FHIT: variants seen among roughly 807,000 people sequenced by gnomAD.
FHIT encodes the protein bis(5'-adenosyl)-triphosphatase.
FHIT carries 19 observed loss-of-function variants against 17.9 expected under a neutral mutation model. The ratio of observed to expected loss-of-function variants is 1.06; its 90% CI spans 0.74 to 1.56. FHIT has a LOEUF of 1.56. Among genes scored for constraint, FHIT ranks in the 40% most tolerant of loss-of-function variants. The pLI is 0.00. For synonymous variants in FHIT, 81 were observed against 69.7 expected (o/e 1.16, Z -0.81); for missense variants, 248 against 189.2 (o/e 1.31, Z -1.82).
chr3:60,588,100 A>G (rs1331664257), intron 4 of FHIT, among the ~76,000 whole-genome samples: 1 of 152,012 alleles, frequency 6.6e-6, no homozygotes, highest in African/African-American at 2.4e-5. Flanking sequence ...GAGACAAATT[A>G]CCATCTTCCA....
chr3:59,822,651 G>GT (rs372943787), intron 8 of FHIT, among the ~76,000 whole-genome samples: 2 of 151,762 alleles, frequency 1.3e-5, no homozygotes, highest in African/African-American at 4.8e-5. Context: ...GGGATTGTTT[G>GT]TTTTTTTCTT....
At chr3:59,957,876 A>T (rs976530621) in intron 7 of FHIT, among the ~76,000 whole-genome samples, 1 of 152,274 alleles carries the variant, frequency 6.6e-6, no homozygotes, top group Admixed American at 6.5e-5. Context: ...CTCAGTAAAC[A>T]AATATTTCTC....
In FHIT at chr3:60,471,722, T is replaced by C. The variant is rs531166644; in HGVS notation, c.103+65138A>G. On this transcript the variant is annotated intron_variant, in intron 5 of 9. Transcript: ENST00000492590. Reference sequence around the variant, plus strand: ...GTTCTTATGAAGGTACTTTTTTGTATGTACAGTTGTTCAATTTGGTGTTTC... The same window carrying C: ...GTTCTTATGAAGGTACTTTTTTGTACGTACAGTTGTTCAATTTGGTGTTTC... Among the ~76,000 whole-genome samples the C allele has an allele frequency of 9.3e-4, 142 of 152,290 alleles. 1 individual carries two copies. Among genetic ancestry groups the C allele is most frequent in the African/African-American group, 3.1e-3 (128 of 41,558 alleles).
intron 1 of FHIT, among the ~76,000 whole-genome samples, chr3:61,208,398 A>T (rs1449763649): frequency 6.6e-6 from 1 of 151,996 alleles, no homozygotes; most frequent in East Asian, 1.9e-4. Context: ...TTGATCTGCT[A>T]ATGTTGACAG....
At position 60,632,067 on chromosome 3, in the gene FHIT, G is replaced by A. The variant is rs184279047; in HGVS notation, c.-17-95088C>T. On this transcript the variant is annotated intron_variant, in intron 4 of 9. Coordinates refer to ENST00000492590, the MANE Select transcript of FHIT (RefSeq NM_002012.4). Reference sequence around the variant, plus strand: ...ACTAGAATGTGCTCTTGGCTGGGGAGAATTTGGGAAAGAAGTGTTTTTTTT... The same window carrying A: ...ACTAGAATGTGCTCTTGGCTGGGGAAAATTTGGGAAAGAAGTGTTTTTTTT... 4.3e-4 allele frequency among the ~76,000 whole-genome samples: 62 copies of A among 142,632 alleles called. 1 individual carries two copies. Among genetic ancestry groups the A allele is most frequent in the East Asian group, 1.3e-3 (6 of 4,720 alleles). 93.6% of individuals were successfully genotyped at this position (142,632 alleles called of 152,430 possible).
intron 5 of FHIT, among the ~76,000 whole-genome samples, chr3:60,371,068 G>T (rs539771481): frequency 3.3e-5 from 5 of 152,254 alleles, no homozygotes; most frequent in African/African-American, 1.2e-4. Context: ...TCATCCTTGG[G>T]TCTCAGATCA....
intron 2 of FHIT, among the ~76,000 whole-genome samples, chr3:61,103,293 G>A (rs2035888949): frequency 6.6e-6 from 1 of 152,148 alleles, no homozygotes; most frequent in Non-Finnish European, 1.5e-5. Flanking sequence ...CTTTATTTCT[G>A]CCTTCATTTC....
At chr3:61,084,191 A>T (rs193290023) in intron 2 of FHIT, among the ~76,000 whole-genome samples, 18 of 152,306 alleles carry the variant, frequency 1.2e-4, no homozygotes, top group Non-Finnish European at 1.5e-5. Context: ...ATTGCTCCAC[A>T]GTGTCATCTT....
At chr3:60,285,029 C>T (rs1559789068) in intron 5 of FHIT, among the ~76,000 whole-genome samples, 1 of 152,082 alleles carries the variant, frequency 6.6e-6, no homozygotes, top group Non-Finnish European at 1.5e-5. Flanking sequence ...CTGTGGGATA[C>T]TAATCAGTCT....
At chr3:60,074,725 T>C (rs1702930586) in intron 5 of FHIT, among the ~76,000 whole-genome samples, 1 of 152,046 alleles carries the variant, frequency 6.6e-6, no homozygotes, top group African/African-American at 2.4e-5. Context: ...TTACAATAGT[T>C]TCTTCTCTTG....
intron 5 of FHIT, among the ~76,000 whole-genome samples, chr3:60,470,352 G>A (rs368533350): frequency 8.7e-4 from 133 of 152,042 alleles, no homozygotes; most frequent in African/African-American, 2.7e-3. Context: ...TGGGAGTCAC[G>A]GCCTGGAGTT....
chr3:60,196,538 G>T (rs768681475), intron 5 of FHIT, among the ~76,000 whole-genome samples: 1 of 151,996 alleles, frequency 6.6e-6, no homozygotes, highest in African/African-American at 2.4e-5. Flanking sequence ...AAGCCCATTT[G>T]GTCATGTAAG....
intron 5 of FHIT, among the ~76,000 whole-genome samples, chr3:60,085,664 G>C (rs913075395): frequency 6.6e-6 from 1 of 152,226 alleles, no homozygotes; most frequent in South Asian, 2.1e-4. Context: ...ACAATTATAG[G>C]GGAGGTCAGA....
At chr3:61,078,781 A>AT (rs1378433965) in intron 2 of FHIT, among the ~76,000 whole-genome samples, 1 of 152,206 alleles carries the variant, frequency 6.6e-6, no homozygotes, top group African/African-American at 2.4e-5. Context: ...AATCTGAACA[A>AT]TATTAATAAT....
intron 5 of FHIT, among the ~76,000 whole-genome samples, chr3:60,381,979 T>C (rs1405202919): frequency 4.1e-5 from 6 of 145,676 alleles, no homozygotes; most frequent in African/African-American, 1.5e-4. Flanking sequence ...TTAAATAAAT[T>C]AAAAATTCCA....
chr3:60,666,448 G>C (rs2040383358), intron 4 of FHIT, among the ~76,000 whole-genome samples: 1 of 152,024 alleles, frequency 6.6e-6, no homozygotes, highest in Admixed American at 6.6e-5. Flanking sequence ...TGAGAAATCT[G>C]CTGTCATTTG....
chr3:60,128,247 A>T (rs891395379), intron 5 of FHIT, among the ~76,000 whole-genome samples: 3 of 152,120 alleles, frequency 2.0e-5, no homozygotes, highest in Admixed American at 6.5e-5. Context: ...ATGTGGTGGG[A>T]AAGACTTAGT....
chr3:60,495,335 A>G (rs577665504), intron 5 of FHIT, among the ~76,000 whole-genome samples: 1 of 152,262 alleles, frequency 6.6e-6, no homozygotes, highest in Non-Finnish European at 1.5e-5. Flanking sequence ...TTCTTCTTTA[A>G]GGGAATACTC....
chr3:60,173,902 T>TAC (rs1701534871), intron 5 of FHIT, among the ~76,000 whole-genome samples: 1 of 76,732 alleles, frequency 1.3e-5, no homozygotes, highest in African/African-American at 5.9e-5. Context: ...TATATATATA[T>TAC]ATATATATAT....
Sources: gnomAD v4.1 joint callset for allele counts (sites outside exome capture counted in the v4.1 genomes callset) on GRCh38, gnomAD v4.1.1 for gene constraint, MANE v1.5 for transcripts, NCBI Gene and HGNC (gene_info 2026-07-23, HGNC 2026-07-21) for gene names.